The following FBXL20 variants were observed in gnomAD, a reference collection of about 807,000 sequenced individuals.
FBXL20 encodes F-box and leucine rich repeat protein 20.
FBXL20 carries 11 observed loss-of-function variants against 64.0 expected under a neutral mutation model. The ratio of observed to expected loss-of-function variants is 0.17; its 90% confidence interval spans 0.11 to 0.28. FBXL20 has a LOEUF of 0.28. Among genes scored for constraint, FBXL20 ranks in the 10% least tolerant of loss-of-function variants. FBXL20 has a pLI of 1.00. For synonymous variants in FBXL20, 184 were observed against 189.0 expected (o/e 0.97, Z 0.22); for missense variants, 303 against 526.2 (o/e 0.58, Z 4.15).
At chr17:39,402,308 TCCCCCGCCC>T (rs1364767835), upstream of FBXL20, 69 of 909,200 alleles carry the variant, frequency 7.6e-5, no homozygotes, top group South Asian at 3.4e-3. Context: ...CTCCCCCGCC[TCCCCCGCCC>T]CAGTGCATTA....
chr17:39,288,759 A>T (rs1301664468), intron 6 of FBXL20, among the ~76,000 whole-genome samples: 3 of 151,336 alleles, frequency 2.0e-5, no homozygotes, highest in Non-Finnish European at 4.4e-5. Flanking sequence ...CCCAGGCTGG[A>T]GTGCAGTGGC....
intron 5 of FBXL20, among the ~76,000 whole-genome samples, chr17:39,298,479 G>A (rs138676950): frequency 6.6e-4 from 101 of 152,248 alleles, no homozygotes; most frequent in African/African-American, 2.3e-3. Flanking sequence ...AGCACTTTGG[G>A]AGGCTGAGGC....
chr17:39,305,198 T>C (rs940304630), intron 2 of FBXL20, among the ~76,000 whole-genome samples: 9 of 152,232 alleles, frequency 5.9e-5, no homozygotes, highest in Non-Finnish European at 1.2e-4. Context: ...TAAAAAAAGT[T>C]AGATCTCTAC....
At chr17:39,264,479 G>A (rs2046774723) in intron 13 of FBXL20, 92 bp from the exon 14 acceptor site, 1 of 1,414,430 alleles carries the variant, frequency 7.1e-7, no homozygotes, top group African/African-American at 1.4e-5. Context: ...AGACATTTTG[G>A]TTTGATTTTG....
chr17:39,362,266 C>T (rs967385435), intron 1 of FBXL20, among the ~76,000 whole-genome samples: 1 of 151,236 alleles, frequency 6.6e-6, no homozygotes, highest in African/African-American at 2.4e-5. Flanking sequence ...GCATTGCAGC[C>T]TGGGCAACAG....
At chr17:39,365,409 A>G (rs1462240380) in intron 1 of FBXL20, among the ~76,000 whole-genome samples, 1 of 152,250 alleles carries the variant, frequency 6.6e-6, no homozygotes, top group East Asian at 1.9e-4. Context: ...AACTACTGCC[A>G]GTGCATTGCC....
intron 4 of FBXL20, among the ~76,000 whole-genome samples, chr17:39,299,721 T>C (rs1460289961): frequency 6.6e-6 from 1 of 151,374 alleles, no homozygotes; most frequent in Non-Finnish European, 1.5e-5. Context: ...ACGGAGCTTG[T>C]AGTGAGCCCA....
At chr17:39,328,241 T>A (rs2047427163) in intron 2 of FBXL20, among the ~76,000 whole-genome samples, 1 of 90,468 alleles carries the variant, frequency 1.1e-5, no homozygotes, top group Non-Finnish European at 1.9e-5. Context: ...AGAGCGAAAC[T>A]CTGCCTCAAA....
Position 39,271,853 on chromosome 17 carries a change from T to C in FBXL20, c.828-997A>G, listed in dbSNP as rs546493596. ...TCTGTGAAAAGTTGGGTGACCTCTG[T>C]AAAATGGTAACAAAGAACATGTTTG... is the stretch of plus-strand genomic sequence containing the variant. On this transcript the variant is annotated intron_variant, in intron 10 of 14. Coordinates refer to ENST00000264658, the MANE Select transcript of FBXL20 (RefSeq NM_032875.3). Among the ~76,000 whole-genome samples the C allele has an allele frequency of 2.6e-5, 4 of 152,230 alleles. No individual in the cohort carries two copies. In the East Asian group the frequency reaches 7.7e-4, roughly 29 times the overall value.
chr17:39,306,937 C>T (rs866643218), intron 2 of FBXL20, among the ~76,000 whole-genome samples: 3 of 152,252 alleles, frequency 2.0e-5, no homozygotes, highest in Middle Eastern at 3.4e-3. Context: ...AGCAAGACAC[C>T]AGCAAGGGAC....
chr17:39,370,230 C>T (rs956162291), intron 1 of FBXL20, among the ~76,000 whole-genome samples: 3 of 151,900 alleles, frequency 2.0e-5, no homozygotes, highest in African/African-American at 4.8e-5. Flanking sequence ...ATGCCTCACG[C>T]CTGTAATCCT....
At chr17:39,281,188 ACCT>A (rs1597772648) in intron 9 of FBXL20, among the ~76,000 whole-genome samples, 198 bp downstream of exon 9, 1 of 152,232 alleles carries the variant, frequency 6.6e-6, no homozygotes, top group East Asian at 1.9e-4. Context: ...TAAGCTAGCT[ACCT>A]CCTATCTTAT....
intron 14 of FBXL20, chr17:39,263,947 G>C (rs2046770064): frequency 4.0e-6 from 2 of 503,972 alleles, no homozygotes; most frequent in Admixed American, 6.4e-5. Flanking sequence ...TCTGCTGGGA[G>C]GAGACCTACT....
intron 2 of FBXL20, among the ~76,000 whole-genome samples, chr17:39,316,249 C>T (rs1261718911): frequency 6.6e-6 from 1 of 151,940 alleles, no homozygotes; most frequent in Non-Finnish European, 1.5e-5. Context: ...CAGATATAAA[C>T]ATACATGTAA....
chr17:39,394,905 G>T (rs1481512912), intron 1 of FBXL20, among the ~76,000 whole-genome samples: 2 of 152,070 alleles, frequency 1.3e-5, no homozygotes, highest in South Asian at 4.1e-4. Flanking sequence ...TCAGTTTCTA[G>T]TATGTTACTA....
intron 11 of FBXL20, 145 bp from the exon 12 acceptor site, chr17:39,269,016 TTTC>T: frequency 1.4e-6 from 1 of 719,448 alleles, no homozygotes; most frequent in Non-Finnish European, 2.3e-6. Flanking sequence ...CTAATTTTTT[TTTC>T]TTTCTTTTGA....
intron 1 of FBXL20, among the ~76,000 whole-genome samples, chr17:39,359,033 T>C (rs2047768621): frequency 6.6e-6 from 1 of 152,132 alleles, no homozygotes; most frequent in South Asian, 2.1e-4. Context: ...GGAAGGCTAT[T>C]TTCTAAAACA....
intron 2 of FBXL20, among the ~76,000 whole-genome samples, chr17:39,321,886 G>C (rs963476727): frequency 6.6e-6 from 1 of 151,684 alleles, no homozygotes; most frequent in Non-Finnish European, 1.5e-5. Flanking sequence ...TTTAGTACAA[G>C]GAAATCAGTT....
chr17:39,314,795 C>CTT (rs59955109), intron 2 of FBXL20, among the ~76,000 whole-genome samples: 25,280 of 125,784 alleles, frequency 0.2, 3,069 homozygotes, highest in African/African-American at 0.32. Context: ...ATATCCTTTT[C>CTT]TTTTTTTTTT....
Sources: gnomAD v4.1 joint callset for allele counts (sites outside exome capture counted in the v4.1 genomes callset) on GRCh38, gnomAD v4.1.1 for gene constraint, MANE v1.5 for transcripts, NCBI Gene and HGNC (gene_info 2026-07-23, HGNC 2026-07-21) for gene names.